STX8: variants seen among roughly 807,000 people sequenced by gnomAD.
The protein encoded by STX8 is syntaxin-8.
Under a neutral mutation model 37.5 loss-of-function variants are expected in STX8, and 23 were observed. The ratio of observed to expected loss-of-function variants is 0.61; its 90% CI spans 0.44 to 0.87. The LOEUF (loss-of-function observed/expected upper bound fraction) is 0.87, where lower values mean the gene tolerates loss of function less well. Among genes scored for constraint, STX8 ranks in the 40% least tolerant of loss-of-function variants. The pLI, the probability that STX8 is intolerant of heterozygous loss-of-function variation, is 0.00. For missense variants in STX8, 313 were observed against 284.7 expected, an observed-to-expected ratio of 1.10 and a Z score of -0.71; for synonymous variants, 115 against 99.1, an observed-to-expected ratio of 1.16 and a Z score of -0.95.
At chr17:9,372,570 C>G (rs947253302) in intron 7 of STX8, among the ~76,000 whole-genome samples, 1 of 151,832 alleles carries the variant, frequency 6.6e-6, no homozygotes, top group Non-Finnish European at 1.5e-5. Context: ...CTCTGCCTCC[C>G]GGGTTCAAGC....
chr17:9,513,230 G>T (rs748734318), intron 4 of STX8, among the ~76,000 whole-genome samples: 8 of 151,218 alleles, frequency 5.3e-5, no homozygotes, highest in Non-Finnish European at 7.4e-5. Flanking sequence ...GCTAGGCATG[G>T]TGGCATGCAC....
rs886684054 is a variant in STX8, at chr17:9,268,927, C to T, written c.644-18282G>A. On this transcript the variant is annotated intron_variant, in intron 7 of 7. Transcript: ENST00000306357. ...GCCAGGCCGGGTGCAGTGGCTCACG[C>T]CTGTAATCCCAGCACTTTGGGAGGC... Among the ~76,000 whole-genome samples, 8 of 152,328 alleles carry T rather than the reference C, an allele frequency of 5.3e-5. No homozygotes were observed. In the South Asian group the frequency reaches 6.2e-4, roughly 12 times the overall value.
chr17:9,487,721 A>C (rs1567582554), intron 6 of STX8, among the ~76,000 whole-genome samples: 1 of 152,132 alleles, frequency 6.6e-6, no homozygotes, highest in Admixed American at 6.5e-5. Flanking sequence ...AGATGAGGAC[A>C]GGGGAGGTGT....
At chr17:9,535,085 C>A (rs1328668293) in intron 4 of STX8, among the ~76,000 whole-genome samples, 1 of 152,092 alleles carries the variant, frequency 6.6e-6, no homozygotes, top group African/African-American at 2.4e-5. Flanking sequence ...ATACTCTTCA[C>A]CAATTAAATT....
intron 5 of STX8, among the ~76,000 whole-genome samples, chr17:9,504,063 C>T (rs975652448): frequency 1.3e-5 from 2 of 151,120 alleles, no homozygotes; most frequent in Non-Finnish European, 2.9e-5. Context: ...CACACCCAGC[C>T]GACACATACT....
intron 7 of STX8, among the ~76,000 whole-genome samples, chr17:9,334,463 A>G (rs1910075657): frequency 6.6e-6 from 1 of 152,176 alleles, no homozygotes; most frequent in Admixed American, 6.5e-5. Flanking sequence ...TAAACCCAGG[A>G]ATGAACAAGG....
intron 6 of STX8, among the ~76,000 whole-genome samples, chr17:9,385,754 C>T (rs1270666263): frequency 1.3e-5 from 2 of 152,116 alleles, no homozygotes; most frequent in Non-Finnish European, 2.9e-5. Context: ...TACCCAGAAA[C>T]TTTACTCCTA....
chr17:9,570,519 T>C (rs1350373356), intron 1 of STX8, among the ~76,000 whole-genome samples: 1 of 152,084 alleles, frequency 6.6e-6, no homozygotes, highest in Non-Finnish European at 1.5e-5. Context: ...TTCGTATATG[T>C]CACATGTATA....
At chr17:9,355,801 C>A (rs1465305622) in intron 7 of STX8, among the ~76,000 whole-genome samples, 1 of 152,184 alleles carries the variant, frequency 6.6e-6, no homozygotes, top group Non-Finnish European at 1.5e-5. Context: ...AGCCACTGCA[C>A]CCGGCCACCT....
At chr17:9,366,543 T>C (rs1428511744) in intron 7 of STX8, among the ~76,000 whole-genome samples, 1 of 152,210 alleles carries the variant, frequency 6.6e-6, no homozygotes, top group African/African-American at 2.4e-5. Context: ...GTTACATTTC[T>C]ATTCACCTTT....
intron 7 of STX8, among the ~76,000 whole-genome samples, chr17:9,333,752 CAT>C (rs146055546): frequency 0.032 from 4,892 of 152,236 alleles, 250 homozygotes; most frequent in African/African-American, 0.11. Flanking sequence ...ATAACACACA[CAT>C]GTTTTTTAAA....
chr17:9,489,897 C>T (rs1160629691), intron 6 of STX8, among the ~76,000 whole-genome samples: 1 of 152,024 alleles, frequency 6.6e-6, no homozygotes, highest in Non-Finnish European at 1.5e-5. Flanking sequence ...ACCATGCTGG[C>T]CAGGCTGGTC....
chr17:9,284,542 T>G (rs1333166446), intron 7 of STX8, among the ~76,000 whole-genome samples: 1 of 152,098 alleles, frequency 6.6e-6, no homozygotes, highest in Non-Finnish European at 1.5e-5. Flanking sequence ...AGTTTACATA[T>G]GGATAAAGTA....
intron 4 of STX8, among the ~76,000 whole-genome samples, chr17:9,512,535 T>A (rs1278111481): frequency 1.3e-5 from 2 of 151,782 alleles, no homozygotes; most frequent in Non-Finnish European, 2.9e-5. Context: ...CAATCTTGAG[T>A]CACTGCAACC....
intron 6 of STX8, among the ~76,000 whole-genome samples, chr17:9,414,032 AACCATCTATCTGCCCG>A (rs1913073254): frequency 1.5e-5 from 2 of 135,746 alleles, no homozygotes; most frequent in Middle Eastern, 3.8e-3. Context: ...CCATCCATCC[AACCATCTATCTGCCCG>A]TCCGTCTGTC....
intron 3 of STX8, among the ~76,000 whole-genome samples, chr17:9,545,519 A>C (rs903056508): frequency 4.6e-5 from 7 of 152,228 alleles, no homozygotes; most frequent in Non-Finnish European, 8.8e-5. Flanking sequence ...GACGTGGATC[A>C]TGACACAAGT....
At chr17:9,331,724 T>C (rs556990510) in intron 7 of STX8, among the ~76,000 whole-genome samples, 19 of 152,282 alleles carry the variant, frequency 1.2e-4, no homozygotes, top group Non-Finnish European at 2.6e-4. Flanking sequence ...AATGTCACCT[T>C]ACTGTTAAAG....
intron 7 of STX8, among the ~76,000 whole-genome samples, chr17:9,285,248 C>A (rs1033789564): frequency 6.6e-6 from 1 of 152,042 alleles, no homozygotes; most frequent in Non-Finnish European, 1.5e-5. Flanking sequence ...CTTCAGGAAG[C>A]CTGGGCTCAG....
intron 6 of STX8, chr17:9,464,694 T>A (rs1905532521): frequency 6.6e-6 from 1 of 150,888 alleles, no homozygotes; most frequent in South Asian, 2.1e-4. Context: ...ATCCGGAATA[T>A]ACGGTGCCCT....
Sources: gnomAD v4.1 joint callset for allele counts (sites outside exome capture counted in the v4.1 genomes callset) on GRCh38, gnomAD v4.1.1 for gene constraint, MANE v1.5 for transcripts, NCBI Gene and HGNC (gene_info 2026-07-23, HGNC 2026-07-21) for gene names.